Variants in HERC5 observed in about 807,000 individuals in gnomAD.
The protein encoded by HERC5 is HECT and RLD domain containing E3 ubiquitin protein ligase 5, also known as E3 ISG15--protein ligase HERC5.
A neutral mutation model predicts 119.6 loss-of-function variants in HERC5; 99 were observed. The observed-to-expected ratio is 0.83, with a 90% CI of 0.70 to 0.98. The LOEUF (loss-of-function observed/expected upper bound fraction) is 0.98. Among genes scored for constraint, HERC5 ranks in the 50% least tolerant of loss-of-function variants. The pLI is 0.00. For synonymous variants in HERC5, 478 were observed against 445.9 expected (o/e 1.07, Z -0.91); for missense variants, 1,267 against 1,241.3 (o/e 1.02, Z -0.31).
intron 12 of HERC5, among the ~76,000 whole-genome samples, chr4:88,476,698 A>G (rs960068303): frequency 6.6e-6 from 1 of 152,212 alleles, no homozygotes; most frequent in Non-Finnish European, 1.5e-5. Flanking sequence ...AGGCAGGCAG[A>G]TCACCTGAGG....
At chr4:88,487,451 C>T (rs7663568) in intron 15 of HERC5, among the ~76,000 whole-genome samples, 1,855 of 152,216 alleles carry the variant, frequency 0.012, 43 homozygotes, top group African/African-American at 0.043. Context: ...GCAGTGGCAG[C>T]CTGTAGTCTT....
At chr4:88,468,905 T>C (rs1289450215) in intron 8 of HERC5, among the ~76,000 whole-genome samples, 1 of 152,170 alleles carries the variant, frequency 6.6e-6, no homozygotes, top group Admixed American at 6.5e-5. Flanking sequence ...TTTAATTTGA[T>C]TGTATTTGTA....
At position 88,500,089 on chromosome 4, in the gene HERC5, C is replaced by G. The variant is rs192758164; in HGVS notation, c.2511+97C>G. On this transcript the variant is annotated intron_variant, in intron 19 of 22. Transcript: ENST00000264350. ...GTCAACTTTTACTTAAAAAAAAAAC[C>G]TGAATAAATTAGTGAAAAAGGTATT... 2.2e-4 allele frequency: 162 copies of G among 747,774 alleles called. 1 individual carries two copies. In the East Asian group the frequency reaches 4.1e-3, roughly 19 times the overall value. The allele number at this position is 747,774 out of a possible 1,614,324, so 46.3% of individuals were successfully genotyped here.
At position 88,459,479 on chromosome 4, in the gene HERC5, C is replaced by A. The variant is rs1178873414; in HGVS notation, c.389+9C>A. On this transcript the variant is annotated intron_variant, in intron 2 of 22. Coordinates refer to ENST00000264350, the MANE Select transcript of HERC5 (RefSeq NM_016323.4). The stretch of plus-strand genomic sequence containing the variant: ...AGCATGAAACATCTAAGGTAGGGAA[C>A]TTTTTTCTTTTATTAAAAATTAATT... 2.7e-6 allele frequency: 4 copies of A among 1,490,248 alleles called. No homozygotes were observed. The highest frequency in any genetic ancestry group is 3.6e-6 in the Non-Finnish European group (4 of 1,111,260). The allele number at this position is 1,490,248 out of a possible 1,614,324, so 92.3% of individuals were successfully genotyped here.
chr4:88,483,242 C>T (rs1741341758), intron 13 of HERC5, among the ~76,000 whole-genome samples: 1 of 151,998 alleles, frequency 6.6e-6, no homozygotes. Context: ...GTTGGAGTCT[C>T]ACTCTGCCCA....
intron 12 of HERC5, among the ~76,000 whole-genome samples, chr4:88,476,326 C>T (rs992895303): frequency 1.3e-5 from 2 of 152,108 alleles, no homozygotes; most frequent in African/African-American, 4.8e-5. Flanking sequence ...ATACCATATG[C>T]AATAAATGGT....
At chr4:88,492,456 G>C (rs999930503) in intron 16 of HERC5, among the ~76,000 whole-genome samples, 3 of 151,742 alleles carry the variant, frequency 2.0e-5, no homozygotes, top group Non-Finnish European at 4.4e-5. Context: ...TTAAATTTAG[G>C]CTGTAGGCCG....
chr4:88,484,689 A>G (rs1741399107), intron 13 of HERC5, among the ~76,000 whole-genome samples: 1 of 152,118 alleles, frequency 6.6e-6, no homozygotes, highest in African/African-American at 2.4e-5. Flanking sequence ...TGATGGTTTA[A>G]CCCTTTTCGG....
intron 11 of HERC5, among the ~76,000 whole-genome samples, chr4:88,475,073 T>A (rs1741009340): frequency 6.6e-6 from 1 of 151,150 alleles, no homozygotes; most frequent in African/African-American, 2.4e-5. Flanking sequence ...TGGAAGATAA[T>A]GAGAATTATG....
chr4:88,462,884 G>A (rs1740501645), intron 4 of HERC5, among the ~76,000 whole-genome samples: 1 of 152,178 alleles, frequency 6.6e-6, no homozygotes, highest in Non-Finnish European at 1.5e-5. Context: ...AGCTGATGGT[G>A]AAATTTCTCA....
intron 13 of HERC5, among the ~76,000 whole-genome samples, chr4:88,483,813 A>C (rs1239799858): frequency 6.6e-6 from 1 of 152,184 alleles, no homozygotes; most frequent in Non-Finnish European, 1.5e-5. Context: ...TACAGGCATG[A>C]GCCATTGCGC....
intron 11 of HERC5, among the ~76,000 whole-genome samples, chr4:88,474,663 A>G (rs1740996032): frequency 6.6e-6 from 1 of 152,330 alleles, no homozygotes; most frequent in South Asian, 2.1e-4. Flanking sequence ...TATAATGATT[A>G]AGAATTTGGG....
At chr4:88,460,270 A>G in intron 3 of HERC5, 99 bp downstream of exon 3, 1 of 567,904 alleles carries the variant, frequency 1.8e-6, no homozygotes, top group Non-Finnish European at 3.1e-6. Flanking sequence ...CAGGACAGAA[A>G]TACAGTTTTG....
intron 10 of HERC5, among the ~76,000 whole-genome samples, chr4:88,471,328 C>T (rs1236011402): frequency 6.6e-6 from 1 of 151,692 alleles, no homozygotes; most frequent in African/African-American, 2.4e-5. Flanking sequence ...ACATTTTATT[C>T]TATCTTTTTT....
At chr4:88,486,596 T>C (rs181391856) in intron 14 of HERC5, among the ~76,000 whole-genome samples, 1 of 152,280 alleles carries the variant, frequency 6.6e-6, no homozygotes, top group Non-Finnish European at 1.5e-5. Flanking sequence ...TCCTTTTTTA[T>C]TTTCTGAAAA....
intron 18 of HERC5, among the ~76,000 whole-genome samples, chr4:88,496,480 C>T (rs1194202803): frequency 6.6e-6 from 1 of 152,076 alleles, no homozygotes; most frequent in East Asian, 1.9e-4. Flanking sequence ...CGATAGAGCT[C>T]AGAAATGGAC....
chr4:88,477,201 C>T (rs1469092060), intron 12 of HERC5, among the ~76,000 whole-genome samples: 1 of 114,958 alleles, frequency 8.7e-6, no homozygotes, highest in East Asian at 2.5e-4. Flanking sequence ...CCCATCTCTA[C>T]TAAAAATACA....
rs769975868 is a variant in HERC5, at chr4:88,494,322, A to T, written c.2435A>T (p.Asp812Val). The T allele has an allele frequency of 1.2e-6, 2 of 1,612,338 alleles. No individual in the cohort carries two copies. Among genetic ancestry groups the T allele is most frequent in the Non-Finnish European group, 8.5e-7 (1 of 1,179,464 alleles). The change falls in exon 18 of 23, where the codon GAT (aspartate) becomes GTT (valine). Residue 812 changes from aspartate (D) to valine (V), a missense_variant. Around this residue, in one of 3 missense-constraint regions of HERC5, gnomAD observed 473 missense variants for 445.7 expected, o/e 1.06. Transcript: ENST00000264350. Reference protein sequence around the residue: ...SLEDLKELSPDLGKNLQTLLD... With the variant: ...SLEDLKELSPVLGKNLQTLLD... Reference sequence around the variant, plus strand: ...GAAGACTTGAAAGAACTCAGTCCTGATTTGGGAAAGTAAGTAAACAGAGTT... The same window carrying T: ...GAAGACTTGAAAGAACTCAGTCCTGTTTTGGGAAAGTAAGTAAACAGAGTT...
intron 12 of HERC5, among the ~76,000 whole-genome samples, chr4:88,477,374 G>A (rs920621926): frequency 4.3e-5 from 2 of 46,928 alleles, no homozygotes; most frequent in East Asian, 1.4e-3. Context: ...GGAAAGGGAA[G>A]GTGAAGGGAA....
Sources: gnomAD v4.1 joint callset for allele counts (sites outside exome capture counted in the v4.1 genomes callset) on GRCh38, gnomAD v4.1.1 for gene constraint, gnomAD v4.1.1 regional missense constraint, MANE v1.5 for transcripts, NCBI Gene and HGNC (gene_info 2026-07-23, HGNC 2026-07-21) for gene names.